Variants in ATP8A1 observed in about 807,000 individuals in gnomAD.
ATP8A1 encodes the protein phospholipid-transporting ATPase IA.
A neutral mutation model predicts 177.7 loss-of-function variants in ATP8A1; 90 were observed. That is an observed-to-expected ratio of 0.51 (90% confidence interval 0.43 to 0.60). ATP8A1 has a LOEUF of 0.60. ATP8A1 is among the 20% of genes least tolerant of loss of function. The probability of loss-of-function intolerance (pLI) is 0.00; values close to 1 mark genes in which losing one functional copy is unlikely to be tolerated. For missense variants in ATP8A1, 1,072 were observed against 1,392.8 expected (o/e 0.77, Z 3.67); for synonymous variants, 493 against 485.9 (o/e 1.01, Z -0.19).
At chr4:42,499,219 G>C (rs1022445845) in intron 24 of ATP8A1, among the ~76,000 whole-genome samples, 1 of 152,132 alleles carries the variant, frequency 6.6e-6, no homozygotes, top group African/African-American at 2.4e-5. Context: ...TTAAGCTTGG[G>C]AACACTGACT....
intron 30 of ATP8A1, among the ~76,000 whole-genome samples, chr4:42,446,872 C>A (rs1188721369): frequency 1.3e-5 from 2 of 150,690 alleles, no homozygotes; most frequent in Non-Finnish European, 2.9e-5. Flanking sequence ...GACTTGTTAA[C>A]GAATTTTCAG....
At chr4:42,544,300 A>C (rs995096046) in intron 19 of ATP8A1, among the ~76,000 whole-genome samples, 1 of 152,238 alleles carries the variant, frequency 6.6e-6, no homozygotes, top group Non-Finnish European at 1.5e-5. Flanking sequence ...GGATTTGAAA[A>C]AATATTTAAG....
At position 42,600,471 on chromosome 4, in the gene ATP8A1, T is replaced by G. The variant is rs760880065; in HGVS notation, c.450+7A>C. ...TCTCCTGGAACAAAATAAAAATCAG[T>G]GCATACCTTTTCCCAGTGGACAATT... On this transcript the variant is annotated splice_region_variant and intron_variant, in intron 6 of 36. Transcript: ENST00000381668. 5 of 1,609,696 alleles carry G rather than the reference T, an allele frequency of 3.1e-6. No homozygotes were observed. The highest frequency in any genetic ancestry group is 4.2e-6 in the Non-Finnish European group (5 of 1,178,292).
chr4:42,516,145 C>A (rs1725515302), intron 22 of ATP8A1, among the ~76,000 whole-genome samples: 1 of 152,184 alleles, frequency 6.6e-6, no homozygotes, highest in Non-Finnish European at 1.5e-5. Context: ...GCTAGTCAGT[C>A]AAGCGCTGGA....
chr4:42,554,109 G>A (rs766870166), intron 16 of ATP8A1, among the ~76,000 whole-genome samples: 7 of 152,212 alleles, frequency 4.6e-5, no homozygotes, highest in African/African-American at 9.7e-5. Flanking sequence ...ACAGGATAGT[G>A]AGGGGACTTG....
intron 20 of ATP8A1, among the ~76,000 whole-genome samples, chr4:42,531,660 CA>C (rs1335540524): frequency 6.6e-6 from 1 of 151,996 alleles, no homozygotes; most frequent in South Asian, 2.1e-4. Flanking sequence ...CTTATATCTG[CA>C]AAAAACTGAA....
At chr4:42,583,053 C>T (rs540652798) in intron 9 of ATP8A1, among the ~76,000 whole-genome samples, 10 of 152,126 alleles carry the variant, frequency 6.6e-5, no homozygotes, top group Non-Finnish European at 1.5e-4. Flanking sequence ...CGACAGACAA[C>T]ACAGAACTTC....
At chr4:42,495,928 CG>C (rs1723230064) in intron 24 of ATP8A1, among the ~76,000 whole-genome samples, 1 of 152,036 alleles carries the variant, frequency 6.6e-6, no homozygotes, top group Non-Finnish European at 1.5e-5. Context: ...TTTCCCAGGA[CG>C]GGGGTAGATA....
chr4:42,524,796 T>C lies in ATP8A1; in HGVS notation c.1774A>G (p.Thr592Ala). The C allele has an allele frequency of 6.2e-7, 1 of 1,610,556 alleles. No homozygotes were observed. Among genetic ancestry groups the C allele is most frequent in the Non-Finnish European group, 8.5e-7 (1 of 1,178,558 alleles). The change falls in exon 21 of 37, where the codon ACC (threonine) becomes GCC (alanine). Residue 592 changes from threonine (T) to alanine (A), a missense_variant. Physicochemically the swap from Thr to Ala is moderately conservative, Grantham distance 58 (BLOSUM62 0). Coordinates refer to ENST00000381668, the MANE Select transcript of ATP8A1 (RefSeq NM_006095.2). ...GCAAACTGCTCTAAATGTTTTAGGG[T>C]AATTTCTTTGTATTTTGACGTCTCT... ...LAETSKYKEI[T>A]LKHLEQFATE...
intron 15 of ATP8A1, among the ~76,000 whole-genome samples, chr4:42,556,680 C>G (rs1483590463): frequency 1.3e-5 from 2 of 151,926 alleles, no homozygotes; most frequent in Non-Finnish European, 2.9e-5. Flanking sequence ...TAAATGGAGT[C>G]AATTATCTCT....
chr4:42,647,735 C>T (rs563431720), intron 1 of ATP8A1, among the ~76,000 whole-genome samples: 1 of 152,006 alleles, frequency 6.6e-6, no homozygotes, highest in African/African-American at 2.4e-5. Context: ...GAACCATTAG[C>T]TAAATCTAGT....
intron 5 of ATP8A1, among the ~76,000 whole-genome samples, chr4:42,615,231 T>C (rs1305426327): frequency 6.6e-6 from 1 of 152,222 alleles, no homozygotes; most frequent in Non-Finnish European, 1.5e-5. Flanking sequence ...AATTGGCATA[T>C]AATGCCTATT....
At chr4:42,446,259 C>T (rs68047302) in intron 31 of ATP8A1, among the ~76,000 whole-genome samples, 47,885 of 151,604 alleles carry the variant, frequency 0.32, 8,488 homozygotes, top group East Asian at 0.59. Flanking sequence ...GCCACCAGCC[C>T]CTGCAAACAT....
chr4:42,478,249 G>A (rs1179806077), intron 25 of ATP8A1, among the ~76,000 whole-genome samples: 1 of 151,956 alleles, frequency 6.6e-6, no homozygotes, highest in Non-Finnish European at 1.5e-5. Context: ...CCAGCTACTT[G>A]GGAGGCTGAG....
chr4:42,552,984 TCAAAA>T (rs896147050), intron 16 of ATP8A1, among the ~76,000 whole-genome samples: 7 of 152,140 alleles, frequency 4.6e-5, no homozygotes, highest in South Asian at 2.1e-4. Context: ...AGACTCCGTC[TCAAAA>T]CAAAACAAAA....
At position 42,478,700 on chromosome 4, in the gene ATP8A1, A is replaced by T. The variant is rs530383656; in HGVS notation, c.2324+6796T>A. On this transcript the variant is annotated intron_variant, in intron 25 of 36. Coordinates refer to ENST00000381668, the MANE Select transcript of ATP8A1 (RefSeq NM_006095.2). The stretch of plus-strand genomic sequence containing the variant: ...ACCTTGCTGGGGGTTTTCCTAGAAC[A>T]GAGGGAAGGCACCGCAGTGACCGAG... 3.3e-5 allele frequency among the ~76,000 whole-genome samples: 5 copies of T among 152,300 alleles called. No individual in the cohort carries two copies. The South Asian group carries it at 1.0e-3, about 32-fold the overall frequency.
chr4:42,552,794 C>T (rs943984278), intron 16 of ATP8A1, among the ~76,000 whole-genome samples, 184 bp from the exon 17 acceptor site: 2 of 152,158 alleles, frequency 1.3e-5, no homozygotes, highest in South Asian at 4.1e-4. Context: ...TTGAGACCAG[C>T]CTGGTGAAAC....
intron 16 of ATP8A1, among the ~76,000 whole-genome samples, chr4:42,555,155 T>TA (rs774267297): frequency 2.5e-5 from 3 of 121,624 alleles, no homozygotes; most frequent in African/African-American, 7.1e-5. Flanking sequence ...TCTATCTATC[T>TA]ATCTATCTAT....
intron 24 of ATP8A1, among the ~76,000 whole-genome samples, chr4:42,494,837 T>C (rs1244834672): frequency 6.6e-6 from 1 of 152,200 alleles, no homozygotes; most frequent in Non-Finnish European, 1.5e-5. Context: ...AAATAATTAA[T>C]TATAAAGACG....
Sources: allele counts gnomAD v4.1 joint callset (sites outside exome capture counted in the v4.1 genomes callset), GRCh38; gene constraint gnomAD v4.1.1; transcripts MANE v1.5; gene names NCBI Gene and HGNC (gene_info 2026-07-23, HGNC 2026-07-21).